Variants in NRP1 observed in about 807,000 individuals in gnomAD.
The protein encoded by NRP1 is neuropilin-1.
Under a neutral mutation model 106.7 loss-of-function variants are expected in NRP1, and 35 were observed. The observed-to-expected ratio is 0.33, with a 90% CI of 0.25 to 0.43. The LOEUF is 0.43. Among genes scored for constraint, NRP1 ranks in the 20% least tolerant of loss-of-function variants. NRP1 has a pLI of 1.00. For synonymous variants in NRP1, 437 were observed against 417.9 expected, an observed-to-expected ratio of 1.05 and a Z score of -0.56; for missense variants, 1,024 against 1,170.4, an observed-to-expected ratio of 0.87 and a Z score of 1.83.
At chr10:33,221,268 A>C (rs1019190999) in intron 8 of NRP1, among the ~76,000 whole-genome samples, 2 of 152,238 alleles carry the variant, frequency 1.3e-5, no homozygotes, top group African/African-American at 4.8e-5. Context: ...TGCAACAGTT[A>C]CTTATTGTAA....
At chr10:33,309,941 T>A (rs1222504043) in intron 2 of NRP1, among the ~76,000 whole-genome samples, 1 of 143,142 alleles carries the variant, frequency 7.0e-6, no homozygotes, top group Non-Finnish European at 1.5e-5. Flanking sequence ...ACTCTCTTGC[T>A]GTATTTGCCT....
Position 33,238,424 on chromosome 10 carries a change from G to T in NRP1, c.982-12135C>A, listed in dbSNP as rs552006044. On this transcript the variant is annotated intron_variant, in intron 6 of 16. Coordinates refer to ENST00000374867, the MANE Select transcript of NRP1 (RefSeq NM_003873.7). ...TGTTTCTAATATCCAGTCCAGTGTG[G>T]AGAGAACTTCATGGGTGGCTATTAT... 7.9e-5 allele frequency among the ~76,000 whole-genome samples: 12 copies of T among 152,344 alleles called. 1 individual carries two copies. In the South Asian group the frequency reaches 1.9e-3, roughly 24 times the overall value.
At chr10:33,264,985 C>T (rs943787809) in intron 3 of NRP1, among the ~76,000 whole-genome samples, 19 of 152,030 alleles carry the variant, frequency 1.2e-4, no homozygotes, top group Admixed American at 7.2e-4. Context: ...TCGTGGGCAC[C>T]TGTAATCCCA....
At chr10:33,223,638 T>C (rs1432859001) in intron 7 of NRP1, among the ~76,000 whole-genome samples, 2 of 152,174 alleles carry the variant, frequency 1.3e-5, no homozygotes, top group South Asian at 2.1e-4. Flanking sequence ...TATTTTTGTT[T>C]AAATAAGTCA....
chr10:33,256,993 A>G lies in NRP1; in HGVS notation c.659-522T>C, dbSNP rs550088241. ...GACCTGCAATTGGCTTCCTCATGCTATCTTTTAGCCCTGGATTCTTATTAT... is the reference window on the plus strand; with the variant it reads ...GACCTGCAATTGGCTTCCTCATGCTGTCTTTTAGCCCTGGATTCTTATTAT... On this transcript the variant is annotated intron_variant, in intron 4 of 16. Transcript: ENST00000374867. Among the ~76,000 whole-genome samples, 3 of 152,278 alleles carry G rather than the reference A, an allele frequency of 2.0e-5. 1 individual carries two copies. The Middle Eastern group carries it at 0.01, about 518-fold the overall frequency.
At chr10:33,239,734 A>T (rs113734817) in intron 6 of NRP1, among the ~76,000 whole-genome samples, 1 of 152,304 alleles carries the variant, frequency 6.6e-6, no homozygotes, top group Admixed American at 6.5e-5. Flanking sequence ...AAGGCATCAG[A>T]GATTAAATAC....
chr10:33,262,669 C>T (rs58089461), intron 4 of NRP1, among the ~76,000 whole-genome samples: 24,389 of 148,708 alleles, frequency 0.16, 2,117 homozygotes, highest in African/African-American at 0.19. Flanking sequence ...CTCCACTGAA[C>T]TCCAGCCTGG....
intron 8 of NRP1, among the ~76,000 whole-genome samples, chr10:33,218,735 G>A (rs1838987381): frequency 6.6e-6 from 1 of 152,166 alleles, no homozygotes; most frequent in Non-Finnish European, 1.5e-5. Context: ...CAAGTGATGT[G>A]TTCAAGCAGT....
At chr10:33,249,299 C>T (rs1841670798) in intron 6 of NRP1, 6 of 324,744 alleles carry the variant, frequency 1.8e-5, no homozygotes, top group Admixed American at 8.9e-5. Flanking sequence ...TCTTTGAGAA[C>T]GTCTCCCTAG....
At chr10:33,191,021 A>T (rs199592867) in intron 13 of NRP1, among the ~76,000 whole-genome samples, 34 of 65,172 alleles carry the variant, frequency 5.2e-4, no homozygotes, top group East Asian at 1.3e-3. Flanking sequence ...GGCTGATTTT[A>T]AAAAAAAAAT....
intron 9 of NRP1, among the ~76,000 whole-genome samples, chr10:33,210,549 T>C (rs1564384824): frequency 6.6e-6 from 1 of 152,334 alleles, no homozygotes; most frequent in Non-Finnish European, 1.5e-5. Context: ...GGCTAACTGA[T>C]ATAATAAACT....
intron 9 of NRP1, among the ~76,000 whole-genome samples, 171 bp from the exon 10 acceptor site, chr10:33,207,887 G>C (rs1013978597): frequency 6.6e-6 from 1 of 152,116 alleles, no homozygotes; most frequent in African/African-American, 2.4e-5. Context: ...AACAATTAAA[G>C]CTTCTCTAAG....
At chr10:33,290,351 T>G (rs945939373) in intron 2 of NRP1, among the ~76,000 whole-genome samples, 36 of 126,774 alleles carry the variant, frequency 2.8e-4, no homozygotes, top group African/African-American at 1.0e-3. Flanking sequence ...CCAAGAGGTT[T>G]TTTTTTTTTT....
At chr10:33,199,184 C>T (rs1016034742) in intron 11 of NRP1, among the ~76,000 whole-genome samples, 7 of 151,486 alleles carry the variant, frequency 4.6e-5, no homozygotes, top group African/African-American at 1.7e-4. Context: ...ATTGGAGTCT[C>T]TAGGTGTGAG....
At chr10:33,271,921 T>A (rs765886742) in intron 2 of NRP1, among the ~76,000 whole-genome samples, 2 of 152,234 alleles carry the variant, frequency 1.3e-5, no homozygotes, top group Non-Finnish European at 2.9e-5. Flanking sequence ...TGAAATGACA[T>A]GAAAACATTA....
At chr10:33,289,528 T>TA (rs1435775452) in intron 2 of NRP1, among the ~76,000 whole-genome samples, 3 of 152,174 alleles carry the variant, frequency 2.0e-5, no homozygotes, top group Non-Finnish European at 2.9e-5. Context: ...TGCCATTCCC[T>TA]AGTGGTGTTA....
intron 3 of NRP1, among the ~76,000 whole-genome samples, chr10:33,267,030 T>C (rs1347308547): frequency 1.3e-5 from 2 of 152,016 alleles, no homozygotes; most frequent in Non-Finnish European, 2.9e-5. Flanking sequence ...AGACTCTGTC[T>C]CAAAACAAAA....
At chr10:33,307,971 C>A (rs973185275) in intron 2 of NRP1, among the ~76,000 whole-genome samples, 4 of 152,058 alleles carry the variant, frequency 2.6e-5, no homozygotes, top group African/African-American at 9.7e-5. Context: ...AATCTACAAG[C>A]CCATCAATGG....
intron 2 of NRP1, among the ~76,000 whole-genome samples, chr10:33,271,811 T>C (rs1843329783): frequency 6.6e-6 from 1 of 152,234 alleles, no homozygotes; most frequent in Non-Finnish European, 1.5e-5. Context: ...TTTTGTCTAT[T>C]TGGTGTTATG....
Sources: gnomAD v4.1 joint callset for allele counts (sites outside exome capture counted in the v4.1 genomes callset) on GRCh38, gnomAD v4.1.1 for gene constraint, MANE v1.5 for transcripts, NCBI Gene and HGNC (gene_info 2026-07-23, HGNC 2026-07-21) for gene names.